Variants in MYLK observed in about 807,000 individuals in gnomAD.
MYLK encodes the protein myosin light chain kinase, smooth muscle.
MYLK carries 106 observed loss-of-function variants against 203.4 expected under a neutral mutation model. The ratio of observed to expected loss-of-function variants is 0.52; its 90% CI spans 0.45 to 0.61. The LOEUF (loss-of-function observed/expected upper bound fraction) is 0.61. Among genes scored for constraint, MYLK ranks in the 20% least tolerant of loss-of-function variants. The pLI is 0.00. For missense variants in MYLK, 2,072 were observed against 2,442.3 expected (o/e 0.85, Z 3.20); for synonymous variants, 867 against 959.5 (o/e 0.90, Z 1.78).
chr3:123,793,974 T>C, intron 3 of MYLK, 130 bp from the exon 4 acceptor site: 2 of 949,056 alleles, frequency 2.1e-6, no homozygotes, highest in Non-Finnish European at 3.3e-6. Context: ...TAGGTCAGTG[T>C]CCACCCACAG....
intron 11 of MYLK, among the ~76,000 whole-genome samples, chr3:123,727,935 T>A (rs908830543): frequency 9.2e-5 from 14 of 152,028 alleles, no homozygotes; most frequent in African/African-American, 2.7e-4. Context: ...GAGAGAAGTA[T>A]GTAGGAGGAG....
intron 4 of MYLK, among the ~76,000 whole-genome samples, chr3:123,788,937 T>C (rs1180968144): frequency 2.0e-5 from 3 of 152,118 alleles, no homozygotes; most frequent in Non-Finnish European, 4.4e-5. Context: ...CTTGTCACCA[T>C]GTTTGCTTTT....
At chr3:123,774,065 G>A (rs533571357) in intron 4 of MYLK, among the ~76,000 whole-genome samples, 1 of 152,338 alleles carries the variant, frequency 6.6e-6, no homozygotes, top group Non-Finnish European at 1.5e-5. Flanking sequence ...CTGGGGCATG[G>A]AAAAGCAAGG....
intron 2 of MYLK, among the ~76,000 whole-genome samples, chr3:123,860,352 T>G (rs1390429620): frequency 6.6e-6 from 1 of 152,228 alleles, no homozygotes; most frequent in East Asian, 1.9e-4. Context: ...GCTGCTCGAA[T>G]TCTTTGATCA....
intron 16 of MYLK, among the ~76,000 whole-genome samples, chr3:123,706,508 G>A (rs1339430402): frequency 1.3e-5 from 2 of 152,108 alleles, no homozygotes; most frequent in Admixed American, 6.5e-5. Context: ...GATGTGGCAC[G>A]ACCTCCTATT....
At chr3:123,670,499 A>C (rs2059880537) in intron 20 of MYLK, among the ~76,000 whole-genome samples, 2 of 152,174 alleles carry the variant, frequency 1.3e-5, no homozygotes, top group Non-Finnish European at 2.9e-5. Flanking sequence ...CTCAGCCTGT[A>C]ATCCCAGCGC....
chr3:123,864,034 ATACACAAAACAACATGG>A (rs1309703294), intron 2 of MYLK, among the ~76,000 whole-genome samples: 7 of 152,358 alleles, frequency 4.6e-5, no homozygotes, highest in African/African-American at 1.7e-4. Context: ...GAACGGACTG[ATACACAAAACAACATGG>A]ATAAATCTCA....
At chr3:123,682,961 C>G (rs375354221) in intron 19 of MYLK, among the ~76,000 whole-genome samples, 1 of 152,090 alleles carries the variant, frequency 6.6e-6, no homozygotes, top group African/African-American at 2.4e-5. Flanking sequence ...AGATGCTGGG[C>G]GGTGCCTGCC....
chr3:123,772,674 G>A (rs1225818074), intron 4 of MYLK, among the ~76,000 whole-genome samples: 1 of 151,964 alleles, frequency 6.6e-6, no homozygotes, highest in African/African-American at 2.4e-5. Flanking sequence ...GATATAAAAA[G>A]TTTGCATGAC....
chr3:123,723,420 A>T (rs2062163191), intron 12 of MYLK, among the ~76,000 whole-genome samples: 1 of 152,216 alleles, frequency 6.6e-6, no homozygotes, highest in Non-Finnish European at 1.5e-5. Context: ...CCTGCCACTG[A>T]GAGAAGTGAG....
At chr3:123,668,043 G>A (rs2059796795) in intron 20 of MYLK, among the ~76,000 whole-genome samples, 1 of 152,140 alleles carries the variant, frequency 6.6e-6, no homozygotes, top group Admixed American at 6.5e-5. Context: ...TAACTCAAAT[G>A]AGAAAAATGA....
intron 4 of MYLK, among the ~76,000 whole-genome samples, chr3:123,778,841 G>T (rs1398056862): frequency 6.6e-6 from 1 of 152,194 alleles, no homozygotes; most frequent in Non-Finnish European, 1.5e-5. Context: ...CAGTGGGTCT[G>T]GGTAGGACCC....
chr3:123,755,626 A>G (rs997557144), intron 4 of MYLK, among the ~76,000 whole-genome samples: 1 of 152,114 alleles, frequency 6.6e-6, no homozygotes, highest in Non-Finnish European at 1.5e-5. Context: ...ACTGTCTGCC[A>G]CTACCCTGGA....
At chr3:123,737,223 GAAAA>G in intron 8 of MYLK, 151 bp downstream of exon 8, 2 of 617,724 alleles carry the variant, frequency 3.2e-6, no homozygotes, top group Non-Finnish European at 5.3e-6. Context: ...TGTCTGAAGA[GAAAA>G]AAAAAAAAAA....
Position 123,737,416 on chromosome 3 carries a change from G to A in MYLK, c.716C>T (p.Ser239Leu), listed in dbSNP as rs137982786. Reference protein sequence around the residue: ...GVYTCLVVNGSGKASMSAELS... With the variant: ...GVYTCLVVNGLGKASMSAELS... Reference sequence around the variant, plus strand: ...TTCAGCTGACATCGAGGCCTTCCCCGACCCGTTCACCACCAGGCACGTGTA... The same window carrying A: ...TTCAGCTGACATCGAGGCCTTCCCCAACCCGTTCACCACCAGGCACGTGTA... Residue 239 changes from serine (S) to leucine (L), a missense_variant, in exon 8 of 34, where the codon TCG becomes TTG. Around this residue, in one of 3 missense-constraint regions of MYLK, gnomAD observed 683 missense variants for 643.8 expected, o/e 1.06. Coordinates refer to ENST00000360304, the MANE Select transcript of MYLK (RefSeq NM_053025.4). The A allele has an allele frequency of 4.6e-5, 74 of 1,614,086 alleles. No homozygotes were observed. In the African/African-American group the frequency reaches 8.4e-4, roughly 18 times the overall value.
chr3:123,798,546 C>T (rs1222769197), intron 3 of MYLK, among the ~76,000 whole-genome samples: 2 of 152,026 alleles, frequency 1.3e-5, no homozygotes, highest in Non-Finnish European at 2.9e-5. Context: ...AATCAGAGGC[C>T]CATGGAAATC....
intron 4 of MYLK, among the ~76,000 whole-genome samples, chr3:123,781,397 C>T (rs1187289830): frequency 2.0e-5 from 3 of 152,212 alleles, no homozygotes; most frequent in African/African-American, 7.2e-5. Flanking sequence ...ATCCTTCAGT[C>T]GAGCTCTCCT....
In MYLK at chr3:123,839,332, G is replaced by A. The variant is rs1920210; in HGVS notation, c.-126-7662C>T. On this transcript the variant is annotated intron_variant, in intron 2 of 33. Coordinates refer to ENST00000360304, the MANE Select transcript of MYLK (RefSeq NM_053025.4). ...AAAAAAAGCTCACCTTGAATATAAA[G>A]ACAGAAATGGGTTAAAAATAAAACA... Among the ~76,000 whole-genome samples, 998 of 152,156 alleles carry A rather than the reference G, an allele frequency of 6.6e-3. 9 individuals carry two copies. The highest frequency in any genetic ancestry group is 0.02 in the African/African-American group (843 of 41,510).
intron 3 of MYLK, among the ~76,000 whole-genome samples, chr3:123,821,116 G>A (rs189708376): frequency 3.3e-4 from 50 of 152,170 alleles, no homozygotes; most frequent in Middle Eastern, 3.4e-3. Flanking sequence ...CTAAGTCTCA[G>A]CAACTGGTAT....
Sources: gnomAD v4.1 joint callset for allele counts (sites outside exome capture counted in the v4.1 genomes callset) on GRCh38, gnomAD v4.1.1 for gene constraint, gnomAD v4.1.1 regional missense constraint, MANE v1.5 for transcripts, NCBI Gene and HGNC (gene_info 2026-07-23, HGNC 2026-07-21) for gene names.